The following ATRNL1 variants were observed in gnomAD, a reference collection of about 807,000 sequenced individuals.
ATRNL1 encodes the protein attractin-like protein 1.
ATRNL1 carries 95 observed loss-of-function variants against 182.7 expected under a neutral mutation model. That is an observed-to-expected ratio of 0.52 (90% confidence interval 0.44 to 0.62). The LOEUF is 0.62. Ranked by LOEUF, ATRNL1 falls within the 20% of genes least tolerant of loss-of-function variation. ATRNL1 has a pLI of 0.00. For missense variants in ATRNL1, 1,471 were observed against 1,679.5 expected (o/e 0.88, Z 2.17); for synonymous variants, 576 against 568.3 (o/e 1.01, Z -0.19).
At chr10:115,179,467 CAAGGGGTGGTA>C (rs1847661831) in intron 8 of ATRNL1, among the ~76,000 whole-genome samples, 1 of 151,994 alleles carries the variant, frequency 6.6e-6, no homozygotes, top group South Asian at 2.1e-4. Flanking sequence ...TTTTTAAGGC[CAAGGGGTGGTA>C]AAGTCTTCCT....
At position 115,426,257 on chromosome 10, in the gene ATRNL1, T is replaced by C. The variant is rs1397733550; in HGVS notation, c.3277T>C (p.Ser1093Pro). Residue 1093 changes from serine (S) to proline (P), a missense_variant, in exon 21 of 29, where the codon TCT (serine) becomes CCT (proline). Physicochemically the swap from Ser to Pro is moderately conservative, Grantham distance 74 (BLOSUM62 -1). Transcript: ENST00000355044. Reference sequence around the variant, plus strand: ...GTTTTTGTGTTTCTGCAGATGTGACTCTGAAAATCGCTATGTTGGTAATCC... The same window carrying C: ...GTTTTTGTGTTTCTGCAGATGTGACCCTGAAAATCGCTATGTTGGTAATCC... ...IKGDQCQLCD[S>P]ENRYVGNPLR... is the part of the protein sequence containing the mutation. 1.2e-6 allele frequency: 2 copies of C among 1,612,530 alleles called. No individual in the cohort carries two copies. Among genetic ancestry groups the C allele is most frequent in the Non-Finnish European group, 1.7e-6 (2 of 1,178,968 alleles).
intron 21 of ATRNL1, among the ~76,000 whole-genome samples, chr10:115,432,327 A>G (rs890205610): frequency 2.0e-5 from 3 of 152,082 alleles, no homozygotes; most frequent in Non-Finnish European, 2.9e-5. Context: ...CTTATTGGAC[A>G]ACTCTTCTCT....
chr10:115,465,151 C>A (rs1177492570), intron 22 of ATRNL1, among the ~76,000 whole-genome samples: 1 of 151,654 alleles, frequency 6.6e-6, no homozygotes, highest in East Asian at 1.9e-4. Flanking sequence ...CCTGAAATTT[C>A]AATCTAAGGT....
intron 17 of ATRNL1, among the ~76,000 whole-genome samples, chr10:115,305,257 G>C (rs1853669608): frequency 1.3e-5 from 2 of 152,078 alleles, no homozygotes; most frequent in Admixed American, 6.6e-5. Context: ...TCCATAGTGG[G>C]CACCACTGTT....
intron 27 of ATRNL1, among the ~76,000 whole-genome samples, chr10:115,784,607 G>T (rs11197444): frequency 6.6e-6 from 1 of 152,254 alleles, no homozygotes; most frequent in African/African-American, 2.4e-5. Context: ...TGTCAACAGG[G>T]TTGGTTTCTT....
intron 27 of ATRNL1, among the ~76,000 whole-genome samples, chr10:115,817,943 A>G (rs2134274372): frequency 6.6e-6 from 1 of 151,420 alleles, no homozygotes; most frequent in South Asian, 2.1e-4. Context: ...TGGCTCCAAC[A>G]GAAAATTCTA....
rs576568200 is a variant in ATRNL1 at position 115,379,490 on chromosome 10, C to G, written c.3176-15169C>G. 3.3e-5 allele frequency among the ~76,000 whole-genome samples: 5 copies of G among 152,204 alleles called. No individual in the cohort carries two copies. In the South Asian group the frequency reaches 6.2e-4, roughly 19 times the overall value. On this transcript the variant is annotated intron_variant, in intron 19 of 28. Coordinates refer to ENST00000355044, the MANE Select transcript of ATRNL1 (RefSeq NM_207303.4). ...GAAATGTGGCAAGCATAACTAGTAT[C>G]CAGTTTTGCCATAACAGATAAATGA...
At chr10:115,308,298 A>G (rs1408105481) in intron 17 of ATRNL1, among the ~76,000 whole-genome samples, 4 of 152,158 alleles carry the variant, frequency 2.6e-5, no homozygotes, top group Non-Finnish European at 5.9e-5. Context: ...CAGATATTCT[A>G]CTTGTGAAAA....
chr10:115,274,450 G>GC (rs1390044694), intron 13 of ATRNL1, among the ~76,000 whole-genome samples: 11 of 152,140 alleles, frequency 7.2e-5, no homozygotes, highest in African/African-American at 2.4e-4. Context: ...ATCTTGACAT[G>GC]CCCCATACTG....
intron 26 of ATRNL1, among the ~76,000 whole-genome samples, chr10:115,622,364 T>G (rs1435039456): frequency 6.6e-6 from 1 of 152,180 alleles, no homozygotes; most frequent in Non-Finnish European, 1.5e-5. Flanking sequence ...GTTAATCAAG[T>G]GTTCTTATGC....
chr10:115,474,939 C>T (rs1166276747), intron 24 of ATRNL1, among the ~76,000 whole-genome samples: 2 of 151,350 alleles, frequency 1.3e-5, no homozygotes, highest in Non-Finnish European at 3.0e-5. Context: ...GAATGAGATC[C>T]TGCTTTTTAC....
intron 28 of ATRNL1, among the ~76,000 whole-genome samples, chr10:115,854,899 T>A (rs575419304): frequency 6.6e-6 from 1 of 152,308 alleles, no homozygotes; most frequent in Non-Finnish European, 1.5e-5. Flanking sequence ...CTCACCTGGG[T>A]TGCTCCCAAA....
At chr10:115,270,286 CATTTGTTTATAT>C (rs1297922136) in intron 13 of ATRNL1, among the ~76,000 whole-genome samples, 3 of 138,126 alleles carry the variant, frequency 2.2e-5, no homozygotes, top group Admixed American at 7.3e-5. Flanking sequence ...AATATATAAA[CATTTGTTTATAT>C]ATTTGTTTAT....
At chr10:115,199,706 T>C (rs1848488304) in intron 8 of ATRNL1, among the ~76,000 whole-genome samples, 1 of 152,182 alleles carries the variant, frequency 6.6e-6, no homozygotes, top group African/African-American at 2.4e-5. Flanking sequence ...CTTAGCAAGC[T>C]AAAGTGGTAG....
At chr10:115,655,568 A>G (rs1203173868) in intron 26 of ATRNL1, among the ~76,000 whole-genome samples, 4 of 152,186 alleles carry the variant, frequency 2.6e-5, no homozygotes, top group African/African-American at 7.2e-5. Context: ...TGTGATATGC[A>G]TGTTGATTTT....
intron 18 of ATRNL1, among the ~76,000 whole-genome samples, chr10:115,317,878 AC>A (rs1451277286): frequency 6.6e-6 from 1 of 152,082 alleles, no homozygotes; most frequent in South Asian, 2.1e-4. Flanking sequence ...CTGTTTGAAT[AC>A]CCTTTATTTC....
chr10:115,160,667 A>G (rs1554883072), intron 6 of ATRNL1, among the ~76,000 whole-genome samples: 2 of 151,922 alleles, frequency 1.3e-5, no homozygotes, highest in African/African-American at 4.8e-5. Flanking sequence ...TATGAGAGAG[A>G]TGATTGATTT....
intron 9 of ATRNL1, among the ~76,000 whole-genome samples, chr10:115,236,371 C>T (rs1171859368): frequency 1.3e-5 from 2 of 152,156 alleles, no homozygotes; most frequent in Non-Finnish European, 2.9e-5. Context: ...TACAGCATTA[C>T]AGGGATCATT....
chr10:115,414,977 A>G (rs1288645110), intron 20 of ATRNL1, among the ~76,000 whole-genome samples: 2 of 152,072 alleles, frequency 1.3e-5, no homozygotes, highest in Non-Finnish European at 2.9e-5. Context: ...GGTATTTTGC[A>G]ATTAAAATTA....
Sources: gnomAD v4.1 joint callset for allele counts (sites outside exome capture counted in the v4.1 genomes callset) on GRCh38, gnomAD v4.1.1 for gene constraint, MANE v1.5 for transcripts, NCBI Gene and HGNC (gene_info 2026-07-23, HGNC 2026-07-21) for gene names.